Variants in PRKG1 observed in about 807,000 individuals in gnomAD.
PRKG1 encodes cGMP-dependent protein kinase 1.
In PRKG1, 35 loss-of-function variants were observed where a neutral mutation model predicts 88.1. The observed-to-expected ratio is 0.40, with a 90% confidence interval of 0.30 to 0.53. PRKG1 has a LOEUF of 0.53. Among genes scored for constraint, PRKG1 ranks in the 20% least tolerant of loss-of-function variants. PRKG1 has a pLI of 0.59. For missense variants in PRKG1, 540 were observed against 839.8 expected (o/e 0.64, Z 4.41); for synonymous variants, 303 against 292.5 (o/e 1.04, Z -0.37).
intron 1 of PRKG1, among the ~76,000 whole-genome samples, chr10:51,030,842 C>T (rs1843273044): frequency 6.6e-6 from 1 of 152,158 alleles, no homozygotes; most frequent in African/African-American, 2.4e-5. Flanking sequence ...ATGCTGGTGC[C>T]ATGCTTCTTG....
At chr10:51,691,275 C>T (rs774220756) in intron 3 of PRKG1, among the ~76,000 whole-genome samples, 4 of 148,806 alleles carry the variant, frequency 2.7e-5, no homozygotes, top group South Asian at 2.1e-4. Flanking sequence ...ATACATGTGC[C>T]GAACCAGTTG....
At chr10:51,889,802 T>C (rs1216516912) in intron 4 of PRKG1, among the ~76,000 whole-genome samples, 28 of 152,236 alleles carry the variant, frequency 1.8e-4, no homozygotes, top group Admixed American at 1.8e-3. Flanking sequence ...ATTTCTCTGA[T>C]GGCCAATGAT....
intron 9 of PRKG1, among the ~76,000 whole-genome samples, chr10:52,162,648 T>C (rs1838307612): frequency 6.6e-6 from 1 of 152,114 alleles, no homozygotes; most frequent in Admixed American, 6.6e-5. Context: ...ATTAAACAGA[T>C]AGTTCAGGGC....
intron 3 of PRKG1, among the ~76,000 whole-genome samples, chr10:51,621,365 G>C (rs1308610843): frequency 6.6e-6 from 1 of 151,862 alleles, no homozygotes; most frequent in Non-Finnish European, 1.5e-5. Context: ...CTTTTGCTTT[G>C]TGAGCATCAC....
chr10:51,334,071 C>T (rs954600689), intron 2 of PRKG1, among the ~76,000 whole-genome samples: 1 of 152,054 alleles, frequency 6.6e-6, no homozygotes, highest in African/African-American at 2.4e-5. Context: ...TGTCTCATCT[C>T]TTGCCTCTGG....
At chr10:51,078,053 C>T (rs1844007220) in intron 1 of PRKG1, among the ~76,000 whole-genome samples, 1 of 152,006 alleles carries the variant, frequency 6.6e-6, no homozygotes, top group Admixed American at 6.5e-5. Context: ...TGATCTAAAC[C>T]CCTTATCTTT....
intron 7 of PRKG1, among the ~76,000 whole-genome samples, chr10:52,098,004 A>G (rs972102125): frequency 1.1e-4 from 16 of 152,128 alleles, no homozygotes; most frequent in Admixed American, 9.2e-4. Context: ...AACATTTATC[A>G]TATAGAATGT....
intron 7 of PRKG1, among the ~76,000 whole-genome samples, chr10:52,123,956 C>T (rs550046595): frequency 1.3e-5 from 2 of 152,262 alleles, no homozygotes; most frequent in Non-Finnish European, 2.9e-5. Flanking sequence ...TGAATTCCAA[C>T]TTTGCTTATG....
At chr10:51,615,145 T>C (rs1166958008) in intron 3 of PRKG1, among the ~76,000 whole-genome samples, 1 of 151,704 alleles carries the variant, frequency 6.6e-6, no homozygotes, top group African/African-American at 2.4e-5. Flanking sequence ...ATATTCAACT[T>C]TGAATATATC....
intron 9 of PRKG1, among the ~76,000 whole-genome samples, chr10:52,239,844 C>T (rs1416668273): frequency 3.9e-5 from 6 of 152,060 alleles, no homozygotes; most frequent in Non-Finnish European, 8.8e-5. Flanking sequence ...ATAGAAAAGA[C>T]AAGACATTGA....
intron 2 of PRKG1, among the ~76,000 whole-genome samples, chr10:51,344,664 T>A (rs1842075014): frequency 6.6e-6 from 1 of 152,102 alleles, no homozygotes; most frequent in African/African-American, 2.4e-5. Context: ...GTACAAGATG[T>A]CCTTTTTTTT....
chr10:51,169,773 T>C (rs1846650344), intron 2 of PRKG1, among the ~76,000 whole-genome samples: 1 of 149,774 alleles, frequency 6.7e-6, no homozygotes, highest in East Asian at 1.9e-4. Flanking sequence ...TTGAGGAAAT[T>C]ATCTAACCTT....
chr10:52,221,717 A>G (rs1042436238), intron 9 of PRKG1, among the ~76,000 whole-genome samples: 3 of 152,222 alleles, frequency 2.0e-5, no homozygotes, highest in Non-Finnish European at 2.9e-5. Context: ...AAACAAGATG[A>G]TAAGTTGATC....
chr10:51,754,269 G>C (rs1265277858), intron 3 of PRKG1, among the ~76,000 whole-genome samples: 3 of 152,118 alleles, frequency 2.0e-5, no homozygotes, highest in South Asian at 2.1e-4. Context: ...GCAAGCCTCA[G>C]GTTTCCATCT....
chr10:51,433,419 A>G (rs768720900), intron 2 of PRKG1, among the ~76,000 whole-genome samples: 7 of 152,100 alleles, frequency 4.6e-5, no homozygotes, highest in Non-Finnish European at 7.4e-5. Flanking sequence ...GGATTCTCCT[A>G]TATAAAAGGA....
intron 3 of PRKG1, among the ~76,000 whole-genome samples, chr10:51,657,165 C>G (rs1322482960): frequency 6.6e-6 from 1 of 152,022 alleles, no homozygotes; most frequent in Admixed American, 6.6e-5. Flanking sequence ...ATGTTGTTTC[C>G]TCCATTTGAA....
intron 2 of PRKG1, among the ~76,000 whole-genome samples, chr10:51,386,532 G>A (rs1304887306): frequency 6.6e-6 from 1 of 152,096 alleles, no homozygotes; most frequent in Non-Finnish European, 1.5e-5. Flanking sequence ...AAAGACTAAT[G>A]TCCCAGCTTA....
chr10:51,850,265 A>C (rs1444594332), intron 4 of PRKG1, among the ~76,000 whole-genome samples: 2 of 152,070 alleles, frequency 1.3e-5, no homozygotes. Context: ...CAAACTCTGC[A>C]TCCCGGGTTC....
intron 8 of PRKG1, among the ~76,000 whole-genome samples, chr10:52,149,582 A>C (rs147637253): frequency 1.2e-4 from 19 of 152,234 alleles, no homozygotes; most frequent in Middle Eastern, 3.4e-3. Context: ...GCACATGCAG[A>C]GGAAAGGCCA....
Sources: gnomAD v4.1 joint callset for allele counts (sites outside exome capture counted in the v4.1 genomes callset) on GRCh38, gnomAD v4.1.1 for gene constraint, MANE v1.5 for transcripts, NCBI Gene and HGNC (gene_info 2026-07-23, HGNC 2026-07-21) for gene names.